Variants in TXLNB observed in about 807,000 individuals in gnomAD.
TXLNB encodes the protein taxilin beta.
In TXLNB, 37 loss-of-function variants were observed where a neutral mutation model predicts 57.4. The ratio of observed to expected loss-of-function variants is 0.64; its 90% CI spans 0.50 to 0.85. The LOEUF (loss-of-function observed/expected upper bound fraction) is 0.85, where lower values mean the gene tolerates loss of function less well. Ranked by LOEUF, TXLNB falls within the 40% of genes least tolerant of loss-of-function variation. The pLI is 0.00. For missense variants in TXLNB, 848 were observed against 825.6 expected, an observed-to-expected ratio of 1.03 and a Z score of -0.33; for synonymous variants, 302 against 309.6, an observed-to-expected ratio of 0.98 and a Z score of 0.26.
upstream of TXLNB, among the ~76,000 whole-genome samples, chr6:139,293,974 G>A (rs1260643342): frequency 1.3e-5 from 2 of 152,046 alleles, no homozygotes; most frequent in African/African-American, 4.8e-5. Context: ...ACAAGTCAGT[G>A]CTTTTCAAAT....
chr6:139,223,714 A>G, the TXLNB span, among the ~76,000 whole-genome samples: 2 of 152,150 alleles, frequency 1.3e-5, no homozygotes, highest in South Asian at 4.1e-4. Context: ...ATCACTGGCC[A>G]TCAGAGAAAT....
the TXLNB span, chr6:139,176,852 A>T: frequency 1.3e-6 from 1 of 753,310 alleles, no homozygotes; most frequent in South Asian, 1.6e-5. This position sits in a 1 kb window ranked among gnomAD's most constrained non-coding sequence, Gnocchi z 4.5. Context: ...AAAGCCCTTG[A>T]TCAGTTTCCC....
chr6:139,193,850 T>A, the TXLNB span, among the ~76,000 whole-genome samples: 35,318 of 107,726 alleles, frequency 0.33, 6,212 homozygotes, highest in Non-Finnish European at 0.42. Flanking sequence ...ATTTTTTTTT[T>A]TTTTTTTTTG....
chr6:139,304,672 A>C, the TXLNB span, among the ~76,000 whole-genome samples: 1 of 152,246 alleles, frequency 6.6e-6, no homozygotes, highest in Non-Finnish European at 1.5e-5. Flanking sequence ...GTTATCCAAG[A>C]ACTTAAGAAG....
intron 3 of TXLNB, among the ~76,000 whole-genome samples, chr6:139,274,081 T>TATTA (rs1448761315): frequency 6.6e-6 from 1 of 152,264 alleles, no homozygotes; most frequent in African/African-American, 2.4e-5. Flanking sequence ...ATTAAAATCC[T>TATTA]ATTACTGATG....
chr6:139,166,713 G>T, the TXLNB span: 1 of 1,610,484 alleles, frequency 6.2e-7, no homozygotes, highest in Non-Finnish European at 8.5e-7. Flanking sequence ...CCCCAGAAAG[G>T]CCCAAGCCAC....
chr6:139,189,425 A>G, the TXLNB span, among the ~76,000 whole-genome samples: 2 of 152,320 alleles, frequency 1.3e-5, no homozygotes, highest in African/African-American at 4.8e-5. Flanking sequence ...GTTTTTTATT[A>G]TTAGAACTGC....
the TXLNB span, among the ~76,000 whole-genome samples, chr6:139,169,392 C>T: frequency 6.6e-6 from 1 of 152,086 alleles, no homozygotes; most frequent in African/African-American, 2.4e-5. Flanking sequence ...TCTGTTCTTA[C>T]ATTTTTAATT....
chr6:139,300,352 C>T, the TXLNB span, among the ~76,000 whole-genome samples: 7 of 152,118 alleles, frequency 4.6e-5, no homozygotes, highest in Admixed American at 1.3e-4. Flanking sequence ...TGTAGAACAA[C>T]GCAACCTGGG....
At position 139,247,450 on chromosome 6, in the gene TXLNB, G is replaced by GT. The variant is rs77105477; in HGVS notation, c.1170+366dup. Among the ~76,000 whole-genome samples, 884 of 95,976 alleles carry GT rather than the reference G, an allele frequency of 9.2e-3. 2 individuals are homozygous for GT. Among genetic ancestry groups the GT allele is most frequent in the Non-Finnish European group, 9.4e-3 (420 of 44,596 alleles). The allele number at this position is 95,976 out of a possible 152,430, so 63.0% of individuals were successfully genotyped here. On this transcript the variant is annotated intron_variant, in intron 8 of 9. Coordinates refer to ENST00000358430, the MANE Select transcript of TXLNB (RefSeq NM_153235.4). ...CCACCACGTCTGGACAAAAGTTTTT[G>GT]TTTTTTTTTTTTTAATTCTTAGAAG...
chr6:139,292,574 G>A (rs1178574095), upstream of TXLNB, among the ~76,000 whole-genome samples: 2 of 152,216 alleles, frequency 1.3e-5, no homozygotes, highest in Non-Finnish European at 1.5e-5. This position sits in a 1 kb window ranked among gnomAD's most constrained non-coding sequence, Gnocchi z 4.0. Context: ...AAATAAACAT[G>A]TAGATGGTGA....
chr6:139,236,578 T>C (rs1475379686), downstream of TXLNB, among the ~76,000 whole-genome samples: 1 of 152,198 alleles, frequency 6.6e-6, no homozygotes, highest in Non-Finnish European at 1.5e-5. Flanking sequence ...CCTTCCACCA[T>C]GATTTTAAGT....
At position 139,276,859 on chromosome 6, in the gene TXLNB, CA is replaced by C. The variant is rs1460389548; in HGVS notation, c.486del (p.Phe162LeufsTer22). 1.9e-6 allele frequency: 3 copies of C among 1,603,330 alleles called. No individual in the cohort carries two copies. The highest frequency in any genetic ancestry group is 1.3e-5 in the African/African-American group (1 of 74,328). On this transcript the variant is annotated frameshift_variant, in exon 3 of 10. Coordinates refer to ENST00000358430, the MANE Select transcript of TXLNB (RefSeq NM_153235.4). LOFTEE classifies it high-confidence loss of function. The stretch of plus-strand genomic sequence containing the variant: ...TCAGCATACTTCTTGAATAAAAAAT[CA>C]AACTTTTCTTCCGGTGTTTGCAACT... ...LNKLQTPEEK[F>X]DFLFKKYAEL...
At chr6:139,264,158 A>G (rs1776554583) in intron 4 of TXLNB, among the ~76,000 whole-genome samples, 1 of 152,230 alleles carries the variant, frequency 6.6e-6, no homozygotes, top group African/African-American at 2.4e-5. Context: ...GAAGAAATAA[A>G]CTATCCGAGA....
the TXLNB span, chr6:139,183,363 C>T: frequency 1.3e-5 from 2 of 152,196 alleles, no homozygotes; most frequent in African/African-American, 4.8e-5. Flanking sequence ...ATACTGGCCA[C>T]CTTTAGCATA....
the TXLNB span, among the ~76,000 whole-genome samples, chr6:139,193,984 G>A: frequency 6.6e-6 from 1 of 150,502 alleles, no homozygotes; most frequent in African/African-American, 2.4e-5. Flanking sequence ...TGGGACTACA[G>A]GCGCCCGCCA....
At chr6:139,161,235 G>C in the TXLNB span, among the ~76,000 whole-genome samples, 1 of 152,136 alleles carries the variant, frequency 6.6e-6, no homozygotes, top group African/African-American at 2.4e-5. Context: ...GCCTCACCCT[G>C]CTGGTGTGTC....
chr6:139,218,966 A>G, the TXLNB span, among the ~76,000 whole-genome samples: 123,697 of 152,042 alleles, frequency 0.81, 50,494 homozygotes, highest in African/African-American at 0.86. Flanking sequence ...ATATTTTGTC[A>G]ATTGTGGAAT....
intron 4 of TXLNB, among the ~76,000 whole-genome samples, chr6:139,266,965 G>GAAAAAAAAAAAAAAAAAAAA: frequency 9.1e-6 from 1 of 110,494 alleles, no homozygotes; most frequent in Non-Finnish European, 2.0e-5. Flanking sequence ...AGGCTAAAAG[G>GAAAAAAAAAAAAAAAAAAAA]AAAAAAAAAA....
Sources: gnomAD v4.1 joint callset for allele counts (sites outside exome capture counted in the v4.1 genomes callset) on GRCh38, gnomAD v4.1.1 for gene constraint, Gnocchi (gnomAD v3.1) non-coding constraint, MANE v1.5 for transcripts, NCBI Gene and HGNC (gene_info 2026-07-23, HGNC 2026-07-21) for gene names.